Variants in RNH1 observed in about 807,000 individuals in gnomAD.
RNH1 encodes the protein ribonuclease inhibitor.
RNH1 carries 38 observed loss-of-function variants against 46.1 expected under a neutral mutation model. The observed-to-expected ratio is 0.82, with a 90% CI of 0.64 to 1.08. The LOEUF (loss-of-function observed/expected upper bound fraction) is 1.08. Among genes scored for constraint, RNH1 ranks in the 50% least tolerant of loss-of-function variants. The probability of loss-of-function intolerance (pLI) is 0.00; values close to 1 mark genes in which losing one functional copy is unlikely to be tolerated. For missense variants in RNH1, 577 were observed against 590.7 expected (o/e 0.98, Z 0.24); for synonymous variants, 319 against 279.1 (o/e 1.14, Z -1.43).
chr11:499,650 G>C (rs930687834), intron 5 of RNH1, 179 bp downstream of exon 5: 3 of 769,336 alleles, frequency 3.9e-6, no homozygotes, highest in Non-Finnish European at 6.6e-6. Context: ...CCAGCATCAT[G>C]GGGAGAGGAG....
chr11:498,695 G>C, intron 7 of RNH1, 68 bp from the exon 8 acceptor site: 4 of 1,597,258 alleles, frequency 2.5e-6, no homozygotes, highest in Middle Eastern at 1.7e-4. Flanking sequence ...GCCCAGGGGC[G>C]GGGGAGAGCT....
rs1013878349 is a variant in RNH1 at position 500,502 on chromosome 11, C to CA, written c.253dup (p.Cys85LeufsTer94). On this transcript the variant is annotated frameshift_variant, in exon 4 of 11. Coordinates refer to ENST00000354420, the MANE Select transcript of RNH1 (RefSeq NM_203387.3). LOFTEE classifies it high-confidence loss of function. ...GCCTCACCTCAGCTTCTGGATCTTG[C>CA]AGGAGGGGGTCTGCAGGCCCTGGAG... 36 of 1,607,898 alleles carry CA rather than the reference C, an allele frequency of 2.2e-5. No individual in the cohort carries two copies. Among genetic ancestry groups the CA allele is most frequent in the Admixed American group, 5.0e-5 (3 of 59,976 alleles).
chr11:495,926 A>T (rs546342062), intron 9 of RNH1, among the ~76,000 whole-genome samples: 26 of 152,234 alleles, frequency 1.7e-4, no homozygotes, highest in Non-Finnish European at 3.4e-4. Context: ...AGCAAACAAA[A>T]GACAAAACAC....
At position 507,190 on chromosome 11, in the gene RNH1, C is replaced by G. The variant is rs1167329284; in HGVS notation, c.-338G>C. 2 of 152,054 alleles carry G rather than the reference C, an allele frequency of 1.3e-5. No homozygotes were observed. Among genetic ancestry groups the G allele is most frequent in the Admixed American group, 6.5e-5 (1 of 15,282 alleles). 9.4% of individuals were successfully genotyped at this position (152,054 alleles called of 1,614,324 possible). A position where few individuals can be genotyped will look rare whatever the true frequency, so the allele number is the denominator to read the frequency against. ...CTACTTCGTTCTCGAGCCAGCAGAA[C>G]GGGTTGAACGTGTCGACAACCCCAC... On this transcript the variant is annotated 5_prime_UTR_variant, in exon 1 of 11. Transcript: ENST00000354420.
intron 4 of RNH1, 77 bp from the exon 5 acceptor site, chr11:500,076 C>G: frequency 7.0e-7 from 1 of 1,428,378 alleles, no homozygotes; most frequent in Non-Finnish European, 9.2e-7. Flanking sequence ...GCCCAGAGCC[C>G]GGAGCAGCAC....
rs1589757020 is a variant in RNH1, at chr11:501,718, C to T, written c.101+344G>A. ...CCCCCAGCTTGGCAGGGACAAGCAG[C>T]GCCCCATGGAGGCTCACGGAGGGGA... On this transcript the variant is annotated intron_variant, in intron 3 of 10. Coordinates refer to ENST00000354420, the MANE Select transcript of RNH1 (RefSeq NM_203387.3). This position sits in a 1 kb window ranked among gnomAD's most constrained non-coding sequence, Gnocchi z 4.1. 2.9e-5 allele frequency: 8 copies of T among 278,508 alleles called. No individual in the cohort carries two copies. Among genetic ancestry groups the T allele is most frequent in the South Asian group, 2.8e-4 (4 of 14,364 alleles). The allele number at this position is 278,508 out of a possible 1,614,324, so 17.3% of individuals were successfully genotyped here. A position where few individuals can be genotyped will look rare whatever the true frequency, so the allele number is the denominator to read the frequency against.
intron 3 of RNH1, 150 bp from the exon 4 acceptor site, chr11:500,804 G>A (rs1849682933): frequency 4.4e-6 from 4 of 912,048 alleles, no homozygotes; most frequent in Non-Finnish European, 6.9e-6. Context: ...AAACAAAAAG[G>A]AGGAACTGTT....
chr11:500,283 G>A (rs1185787439), intron 4 of RNH1: 1 of 709,858 alleles, frequency 1.4e-6, no homozygotes, highest in East Asian at 2.7e-5. Flanking sequence ...GGGTGCGGGG[G>A]CTGGGATAAG....
intron 9 of RNH1, among the ~76,000 whole-genome samples, chr11:495,741 C>T (rs995513040): frequency 3.3e-5 from 5 of 152,112 alleles, no homozygotes; most frequent in Admixed American, 2.0e-4. Context: ...AGGATGGTGT[C>T]CCCTGGCAGG....
At position 498,749 on chromosome 11, in the gene RNH1, C is replaced by A. The variant is rs367816738; in HGVS notation, c.785+14G>T. The A allele has an allele frequency of 2.6e-5, 42 of 1,592,120 alleles. No individual in the cohort carries two copies. In the African/African-American group the frequency reaches 4.4e-4, roughly 17 times the overall value. On this transcript the variant is annotated intron_variant, in intron 7 of 10. Transcript: ENST00000354420. ...CCGACCCTCCGGGAAGGAGGCCTCG[C>A]GGAGATGACTCACCACAGGGTCCTG... is the stretch of plus-strand genomic sequence containing the variant.
chr11:500,095 C>A, intron 4 of RNH1, 96 bp from the exon 5 acceptor site: 2 of 1,377,534 alleles, frequency 1.5e-6, no homozygotes, highest in Non-Finnish European at 1.9e-6. Context: ...ACTCTTCAGG[C>A]GGCAGGTCTA....
chr11:500,924 T>G, intron 3 of RNH1: 1 of 540,232 alleles, frequency 1.9e-6, no homozygotes, highest in Non-Finnish European at 3.4e-6. Context: ...AGGTCGGGAG[T>G]TCAAGACCAA....
intron 3 of RNH1, chr11:500,972 T>C (rs1253278154): frequency 4.8e-6 from 2 of 419,196 alleles, no homozygotes; most frequent in Non-Finnish European, 9.0e-6. Flanking sequence ...TTACTAAAAA[T>C]ACAAAAGTAG....
chr11:499,703 G>T, intron 5 of RNH1, 126 bp downstream of exon 5: 1 of 1,139,858 alleles, frequency 8.8e-7, no homozygotes, highest in Non-Finnish European at 1.3e-6. Flanking sequence ...GGAAAGGAGA[G>T]CACCACAAGG....
chr11:497,324 C>A (rs540048565), intron 9 of RNH1, among the ~76,000 whole-genome samples: 2 of 150,392 alleles, frequency 1.3e-5, no homozygotes, highest in South Asian at 4.2e-4. Flanking sequence ...CACGGACCCT[C>A]GTGCTCACTC....
chr11:497,153 GCTCA>G (rs567054305), intron 9 of RNH1, among the ~76,000 whole-genome samples: 43 of 142,826 alleles, frequency 3.0e-4, no homozygotes, highest in Admixed American at 2.4e-3. Flanking sequence ...GGACACTCAT[GCTCA>G]CTCTCACCCA....
At chr11:498,698 G>T in intron 7 of RNH1, 65 bp downstream of exon 7, 1 of 1,596,608 alleles carries the variant, frequency 6.3e-7, no homozygotes. Flanking sequence ...CAGGGGCGGG[G>T]GAGAGCTCTG....
chr11:497,938 A>C, intron 9 of RNH1, 33 bp downstream of exon 9: 1 of 1,597,468 alleles, frequency 6.3e-7, no homozygotes, highest in Non-Finnish European at 8.5e-7. Flanking sequence ...ATGATCTCCC[A>C]AATGTGCATA....
chr11:504,221 G>A (rs1318630482), intron 2 of RNH1, among the ~76,000 whole-genome samples: 1 of 152,208 alleles, frequency 6.6e-6, no homozygotes, highest in Non-Finnish European at 1.5e-5. Context: ...CCACCCTCTA[G>A]GGAGACACGG....
Sources: allele counts gnomAD v4.1 joint callset (sites outside exome capture counted in the v4.1 genomes callset), GRCh38; gene constraint gnomAD v4.1.1; non-coding constraint Gnocchi (gnomAD v3.1); transcripts MANE v1.5; gene names NCBI Gene and HGNC (gene_info 2026-07-23, HGNC 2026-07-21).